The following RBFOX1 variants were observed in gnomAD, a reference collection of about 807,000 sequenced individuals.
RBFOX1 encodes the protein RNA binding fox-1 homolog 1.
In RBFOX1, 8 loss-of-function variants were observed where a neutral mutation model predicts 57.7. The observed-to-expected ratio is 0.14, with a 90% confidence interval of 0.08 to 0.25. The LOEUF is 0.25. RBFOX1 is among the 10% of genes least tolerant of loss of function. The probability of loss-of-function intolerance (pLI) is 1.00; values close to 1 mark genes in which losing one functional copy is unlikely to be tolerated. For missense variants in RBFOX1, 611 were observed against 548.5 expected (o/e 1.11, Z -1.14); for synonymous variants, 326 against 222.4 (o/e 1.47, Z -4.15).
At chr16:7,052,984 G>C (rs894224599) in intron 4 of RBFOX1, among the ~76,000 whole-genome samples, 1 of 152,182 alleles carries the variant, frequency 6.6e-6, no homozygotes, top group Non-Finnish European at 1.5e-5. Flanking sequence ...AACCACAACA[G>C]TGGGATTTGG....
chr16:5,397,020 T>C (rs556505725), intron 1 of RBFOX1, among the ~76,000 whole-genome samples: 1 of 152,294 alleles, frequency 6.6e-6, no homozygotes, highest in African/African-American at 2.4e-5. Context: ...TTGTCTGGCT[T>C]ATAGGGGCCA....
intron 2 of RBFOX1, among the ~76,000 whole-genome samples, chr16:6,623,319 G>A (rs1198546428): frequency 6.6e-6 from 1 of 152,162 alleles, no homozygotes; most frequent in Non-Finnish European, 1.5e-5. Flanking sequence ...ACAGTGGGGA[G>A]CAGAGATGCT....
intron 4 of RBFOX1, among the ~76,000 whole-genome samples, chr16:7,056,703 C>G (rs142909261): frequency 2.0e-5 from 3 of 152,160 alleles, no homozygotes; most frequent in African/African-American, 7.2e-5. Flanking sequence ...TATTTGATTA[C>G]AAAGGGATCT....
chr16:5,657,619 TCTC>T (rs1361539500), intron 3 of RBFOX1, among the ~76,000 whole-genome samples: 22 of 82,766 alleles, frequency 2.7e-4, no homozygotes, highest in Non-Finnish European at 3.9e-4. Context: ...TTTCTTTCTT[TCTC>T]TCTTTCTTTC....
chr16:7,579,585 C>T lies in RBFOX1; in HGVS notation c.271-192C>T, dbSNP rs547766807. ...TTTTCCCACTGCCTAATCCCAGATT[C>T]ATAATGAGCACCCAGTGGACGCTCA... On this transcript the variant is annotated intron_variant, in intron 5 of 15. Coordinates refer to ENST00000550418, the MANE Select transcript of RBFOX1 (RefSeq NM_018723.4). Among the ~76,000 whole-genome samples the T allele has an allele frequency of 2.2e-4, 33 of 152,320 alleles. 1 individual carries two copies. The South Asian group carries it at 6.8e-3, about 32-fold the overall frequency.
intron 4 of RBFOX1, among the ~76,000 whole-genome samples, chr16:7,198,110 A>G (rs1247621520): frequency 2.1e-5 from 3 of 140,540 alleles, no homozygotes; most frequent in Non-Finnish European, 3.0e-5. Flanking sequence ...GGTTCACGCC[A>G]TTCTCCTGCC....
intron 4 of RBFOX1, among the ~76,000 whole-genome samples, chr16:7,163,093 C>T (rs988552423): frequency 1.3e-5 from 2 of 152,186 alleles, no homozygotes; most frequent in Non-Finnish European, 2.9e-5. Flanking sequence ...GTAGGGCACC[C>T]ATAAATAATT....
intron 1 of RBFOX1, among the ~76,000 whole-genome samples, chr16:5,265,992 T>C (rs1335273356): frequency 6.6e-6 from 1 of 151,824 alleles, no homozygotes; most frequent in East Asian, 1.9e-4. Context: ...CACTTGAAAA[T>C]GAGACAGAAA....
chr16:5,459,184 C>T (rs915916168), intron 1 of RBFOX1, among the ~76,000 whole-genome samples: 2 of 152,232 alleles, frequency 1.3e-5, no homozygotes, highest in Non-Finnish European at 2.9e-5. Flanking sequence ...GACATATGAT[C>T]TCCACATGTG....
intron 3 of RBFOX1, among the ~76,000 whole-genome samples, chr16:5,642,121 C>T (rs1016649690): frequency 6.6e-6 from 1 of 152,106 alleles, no homozygotes; most frequent in African/African-American, 2.4e-5. Flanking sequence ...TTTATTCTGC[C>T]TGGCTGAAGA....
At chr16:6,168,968 G>A (rs562014494) in intron 1 of RBFOX1, among the ~76,000 whole-genome samples, 2 of 152,234 alleles carry the variant, frequency 1.3e-5, no homozygotes, top group East Asian at 1.9e-4. Flanking sequence ...TGGAATTGCC[G>A]TGGGGTGCTA....
chr16:7,527,009 G>A (rs1600913525), intron 5 of RBFOX1, among the ~76,000 whole-genome samples: 1 of 152,304 alleles, frequency 6.6e-6, no homozygotes, highest in South Asian at 2.1e-4. Context: ...CCTGGGGAGG[G>A]CCCCAGCAGA....
intron 1 of RBFOX1, among the ~76,000 whole-genome samples, chr16:5,389,985 C>A (rs1365398622): frequency 6.6e-6 from 1 of 152,094 alleles, no homozygotes; most frequent in South Asian, 2.1e-4. Context: ...AGGCATGAGA[C>A]ACCATGCCCG....
intron 3 of RBFOX1, among the ~76,000 whole-genome samples, chr16:6,665,999 C>G (rs1017859605): frequency 2.0e-5 from 3 of 152,088 alleles, no homozygotes; most frequent in Admixed American, 6.5e-5. Context: ...ACCCTGTTCT[C>G]ATGGTAGTGA....
chr16:7,323,668 T>G (rs1449884647), intron 4 of RBFOX1, among the ~76,000 whole-genome samples: 3 of 152,214 alleles, frequency 2.0e-5, no homozygotes, highest in African/African-American at 7.2e-5. Flanking sequence ...TGGAACAGAC[T>G]CTACTTCATA....
At chr16:7,085,442 G>A (rs1417403627) in intron 4 of RBFOX1, among the ~76,000 whole-genome samples, 3 of 152,128 alleles carry the variant, frequency 2.0e-5, no homozygotes, top group South Asian at 4.2e-4. Context: ...AAAAAGTATC[G>A]ATATATTGGC....
chr16:7,252,577 A>G (rs148893268), intron 4 of RBFOX1, among the ~76,000 whole-genome samples: 2 of 152,298 alleles, frequency 1.3e-5, no homozygotes, highest in East Asian at 3.9e-4. Context: ...TATAACAGCA[A>G]TCTGTTGAGC....
Position 7,050,610 on chromosome 16 carries a change from C to A in RBFOX1, c.-15-1447C>A, listed in dbSNP as rs1042460727. Among the ~76,000 whole-genome samples, 3 of 152,182 alleles carry A rather than the reference C, an allele frequency of 2.0e-5. No homozygotes were observed. The South Asian group carries it at 6.2e-4, about 32-fold the overall frequency. On this transcript the variant is annotated intron_variant, in intron 3 of 15. Coordinates refer to ENST00000550418, the MANE Select transcript of RBFOX1 (RefSeq NM_018723.4). ...GATCTGTTTCACTGTATTTTTAACC[C>A]AAGATAGGAACCATAATATTGTATA...
chr16:6,512,734 C>A (rs1377257702), intron 2 of RBFOX1, among the ~76,000 whole-genome samples: 1 of 152,154 alleles, frequency 6.6e-6, no homozygotes, highest in African/African-American at 2.4e-5. Flanking sequence ...ACGTCACTGT[C>A]TTGTTTCTGT....
Sources: allele counts gnomAD v4.1 joint callset (sites outside exome capture counted in the v4.1 genomes callset), GRCh38; gene constraint gnomAD v4.1.1; transcripts MANE v1.5; gene names NCBI Gene and HGNC (gene_info 2026-07-23, HGNC 2026-07-21).